The following MYO1H variants were observed in gnomAD, a reference collection of about 807,000 sequenced individuals.
MYO1H encodes myosin IH.
A neutral mutation model predicts 149.3 loss-of-function variants in MYO1H; 118 were observed. The ratio of observed to expected loss-of-function variants is 0.79; its 90% CI spans 0.68 to 0.92. MYO1H has a LOEUF of 0.92. MYO1H is among the 40% of genes least tolerant of loss of function. The pLI is 0.00. For missense variants in MYO1H, 1,212 were observed against 1,280.7 expected (o/e 0.95, Z 0.82); for synonymous variants, 447 against 465.2 (o/e 0.96, Z 0.50).
At position 109,438,643 on chromosome 12, in the gene MYO1H, G is replaced by A. The variant is rs73407564; in HGVS notation, c.2294+23G>A. On this transcript the variant is annotated intron_variant, in intron 23 of 31. Transcript: ENST00000310903. ...AAAGTAAGTTCTCAGGTACAACAGAGAGGACAGGTCACTAAATGCTGGTAC... is the reference window on the plus strand; with the variant it reads ...AAAGTAAGTTCTCAGGTACAACAGAAAGGACAGGTCACTAAATGCTGGTAC... 2.2e-3 allele frequency: 3,413 copies of A among 1,569,796 alleles called. 88 individuals carry two copies. In the African/African-American group the frequency reaches 0.042, roughly 19 times the overall value.
chr12:109,378,302 C>CTT lies in MYO1H; in HGVS notation c.13-10373_13-10372dup, dbSNP rs71079554. Reference sequence around the variant, plus strand: ...AAAGTGGCTGCACCATTTTCTTTTTCTTTTTTTTTCTTTTTTATTTATTTA... The same window carrying CTT: ...AAAGTGGCTGCACCATTTTCTTTTTCTTTTTTTTTTTCTTTTTTATTTATTTA... On this transcript the variant is annotated intron_variant, in intron 1 of 31. Coordinates refer to ENST00000310903, the Ensembl canonical transcript of MYO1H. 6.2e-3 allele frequency among the ~76,000 whole-genome samples: 930 copies of CTT among 150,028 alleles called. 7 individuals are homozygous for CTT. Among genetic ancestry groups the CTT allele is most frequent in the Non-Finnish European group, 0.01 (693 of 67,602 alleles).
At chr12:109,401,643 A>G (rs1415526462) in intron 6 of MYO1H, among the ~76,000 whole-genome samples, 1 of 152,196 alleles carries the variant, frequency 6.6e-6, no homozygotes, top group Non-Finnish European at 1.5e-5. Flanking sequence ...GATTTAGCGT[A>G]CAGCCAAAGT....
chr12:109,433,085 C>A, intron 20 of MYO1H, 75 bp downstream of exon 20: 1 of 1,239,670 alleles, frequency 8.1e-7, no homozygotes, highest in Non-Finnish European at 1.2e-6. Context: ...CCGTATCCAT[C>A]TAGAGCCTGG....
intron 14 of MYO1H, among the ~76,000 whole-genome samples, chr12:109,413,896 C>A (rs535406489): frequency 2.0e-4 from 31 of 151,846 alleles, no homozygotes; most frequent in Non-Finnish European, 3.7e-4. Flanking sequence ...GGCAACAGAG[C>A]AAGACTCCAT....
intron 10 of MYO1H, 36 bp from the exon 11 acceptor site, chr12:109,409,521 G>T: frequency 6.3e-7 from 1 of 1,585,610 alleles, no homozygotes; most frequent in Non-Finnish European, 8.7e-7. Flanking sequence ...CAAAGGAAAA[G>T]ACCTAACTAT....
At chr12:109,364,764 A>AT (rs1010879530) in intron 1 of MYO1H, among the ~76,000 whole-genome samples, 17 of 151,584 alleles carry the variant, frequency 1.1e-4, no homozygotes, top group African/African-American at 1.5e-4. Flanking sequence ...ATAGCAATAC[A>AT]TTTTTTTTTC....
the MYO1H span, among the ~76,000 whole-genome samples, chr12:109,338,812 T>TC: frequency 6.6e-6 from 1 of 151,732 alleles, no homozygotes; most frequent in Non-Finnish European, 1.5e-5. Context: ...GCTTTCTGCT[T>TC]CATTTTCTGC....
At chr12:109,387,025 TGTGTGTGTGTG>T (rs1417231436) in intron 1 of MYO1H, among the ~76,000 whole-genome samples, 3,330 of 134,002 alleles carry the variant, frequency 0.025, 126 homozygotes, top group African/African-American at 0.11. Flanking sequence ...TGTGTGTGTG[TGTGTGTGTGTG>T]TGTGTAGTGT....
chr12:109,439,730 T>C (rs753358800), exon 24 of MYO1H: 1 of 1,613,988 alleles, frequency 6.2e-7, no homozygotes, highest in Non-Finnish European at 8.5e-7. Context: ...ATCTCCGGTA[T>C]CACCTTCCAA....
At chr12:109,349,138 T>C (rs565783832) in intron 1 of MYO1H, among the ~76,000 whole-genome samples, 1 of 152,312 alleles carries the variant, frequency 6.6e-6, no homozygotes, top group South Asian at 2.1e-4. Flanking sequence ...AGAGGAGTAT[T>C]TGCTGTAGGT....
chr12:109,335,566 AAAAC>A, the MYO1H span, among the ~76,000 whole-genome samples: 3 of 133,980 alleles, frequency 2.2e-5, no homozygotes, highest in Middle Eastern at 3.8e-3. Context: ...TCTTTTGTAA[AAAAC>A]AAACAAACAA....
At chr12:109,344,108 T>C (rs10774655), upstream of MYO1H, among the ~76,000 whole-genome samples, 81,812 of 151,836 alleles carry the variant, frequency 0.54, 22,971 homozygotes, top group African/African-American at 0.68. Flanking sequence ...GTCTGATATT[T>C]TTCTCATCAT....
chr12:109,408,342 T>TAA (rs5800858), intron 10 of MYO1H, among the ~76,000 whole-genome samples: 10 of 151,362 alleles, frequency 6.6e-5, no homozygotes, highest in Admixed American at 2.6e-4. Context: ...CTGCTAATTT[T>TAA]AAAAAAAAAT....
At chr12:109,401,622 GTCC>G (rs1870162928) in intron 6 of MYO1H, 1 of 191,242 alleles carries the variant, frequency 5.2e-6, no homozygotes, top group South Asian at 1.8e-4. Context: ...TATTTTAAAT[GTCC>G]TCCTGGTGAT....
At chr12:109,379,023 G>A (rs1159284859) in intron 1 of MYO1H, among the ~76,000 whole-genome samples, 1 of 152,162 alleles carries the variant, frequency 6.6e-6, no homozygotes, top group African/African-American at 2.4e-5. Context: ...TGAATTGGAA[G>A]TTAGATCTAA....
chr12:109,444,390 C>T (rs949576559), intron 29 of MYO1H, 42 bp from the exon 30 acceptor site: 2 of 1,582,266 alleles, frequency 1.3e-6, no homozygotes, highest in Admixed American at 1.7e-5. Flanking sequence ...TTTCTTTAAG[C>T]TGTGAATACT....
At position 109,415,625 on chromosome 12, in the gene MYO1H, G is replaced by A; in HGVS notation, c.1597+5G>A. 1 of 1,587,100 alleles carries A rather than the reference G, an allele frequency of 6.3e-7. No homozygotes were observed. Among genetic ancestry groups the A allele is most frequent in the Non-Finnish European group, 8.6e-7 (1 of 1,166,448 alleles). The stretch of plus-strand genomic sequence containing the variant: ...AGGTCACATACTGCACCAAGGGTGA[G>A]TGGCCGTGGGGTACAGGTGACAGCC... On this transcript the variant is annotated splice_donor_5th_base_variant and intron_variant, in intron 15 of 31. Transcript: ENST00000310903.
At chr12:109,358,915 G>T (rs1413821189) in intron 1 of MYO1H, among the ~76,000 whole-genome samples, 2 of 149,804 alleles carry the variant, frequency 1.3e-5, no homozygotes, top group Non-Finnish European at 2.9e-5. Context: ...AGGGTTTTGG[G>T]CCTTTGGGTA....
intron 15 of MYO1H, among the ~76,000 whole-genome samples, chr12:109,415,951 T>TATTTA (rs1870886364): frequency 7.1e-6 from 1 of 141,210 alleles, no homozygotes; most frequent in Non-Finnish European, 1.5e-5. Context: ...TATTTTATTT[T>TATTTA]ATTTATTTTG....
Sources: gnomAD v4.1 joint callset for allele counts (sites outside exome capture counted in the v4.1 genomes callset) on GRCh38, gnomAD v4.1.1 for gene constraint, MANE v1.5 for transcripts, NCBI Gene and HGNC (gene_info 2026-07-23, HGNC 2026-07-21) for gene names.